Variants in CAMTA1 observed in about 807,000 individuals in gnomAD.
The protein encoded by CAMTA1 is calmodulin-binding transcription activator 1.
A neutral mutation model predicts 170.9 loss-of-function variants in CAMTA1; 27 were observed. That is an observed-to-expected ratio of 0.16 (90% CI 0.12 to 0.22). The LOEUF is 0.22. Ranked by LOEUF, CAMTA1 falls within the 10% of genes least tolerant of loss-of-function variation. The pLI is 1.00. For synonymous variants in CAMTA1, 833 were observed against 891.5 expected, an observed-to-expected ratio of 0.93 and a Z score of 1.17; for missense variants, 1,619 against 2,217.2, an observed-to-expected ratio of 0.73 and a Z score of 5.42.
intron 6 of CAMTA1, among the ~76,000 whole-genome samples, chr1:7,538,477 T>C (rs760709659): frequency 6.6e-6 from 1 of 152,130 alleles, no homozygotes; most frequent in Non-Finnish European, 1.5e-5. Context: ...ATAGGAGACT[T>C]CGTCTCTACT....
At chr1:7,016,155 G>A (rs1391906431) in intron 3 of CAMTA1, among the ~76,000 whole-genome samples, 1 of 152,170 alleles carries the variant, frequency 6.6e-6, no homozygotes, top group Non-Finnish European at 1.5e-5. Flanking sequence ...GCCACCATGG[G>A]TTGGTCTTTT....
chr1:7,275,279 A>G (rs574647376), intron 5 of CAMTA1, among the ~76,000 whole-genome samples: 11 of 152,102 alleles, frequency 7.2e-5, no homozygotes, highest in Admixed American at 1.3e-4. Context: ...CTTACACTAT[A>G]TTTACATTAA....
chr1:7,594,142 G>GAAA (rs1557972603), intron 6 of CAMTA1, among the ~76,000 whole-genome samples: 2 of 125,568 alleles, frequency 1.6e-5, no homozygotes, highest in East Asian at 2.2e-4. Context: ...AAAGAAAGAA[G>GAAA]GAAGGAAGGA....
In CAMTA1 at chr1:7,665,595, G is replaced by A. The variant is rs549264031; in HGVS notation, c.2652+396G>A. 1.3e-5 allele frequency among the ~76,000 whole-genome samples: 2 copies of A among 152,226 alleles called. No individual in the cohort carries two copies. The highest frequency in any genetic ancestry group is 3.9e-4 in the East Asian group (2 of 5,168). On this transcript the variant is annotated intron_variant, in intron 9 of 22. Transcript: ENST00000303635. This position sits in a 1 kb window ranked among gnomAD's most constrained non-coding sequence, Gnocchi z 4.3. ...CCAGGTGTGGTGGGGCCTGCCTATG[G>A]TCCCAGCTATTCTGGAGGCTGAGTC...
At chr1:7,709,873 CG>C (rs1558188548) in intron 11 of CAMTA1, among the ~76,000 whole-genome samples, 2 of 152,160 alleles carry the variant, frequency 1.3e-5, no homozygotes, top group Admixed American at 1.3e-4. Flanking sequence ...ACATAGTAAG[CG>C]TAAGTATTGA....
At position 7,195,285 on chromosome 1, in the gene CAMTA1, G is replaced by T. The variant is rs771206549; in HGVS notation, c.303-54206G>T. On this transcript the variant is annotated intron_variant, in intron 4 of 22. Transcript: ENST00000303635. The surrounding 1 kb of genome is among the most constrained non-coding windows in gnomAD (Gnocchi z 4.1). ...TTGGGGTGACCAAGTCATGCACTCT[G>T]ACCAGTGAAATGCAAGTGGAAATGA... Among the ~76,000 whole-genome samples, 2 of 152,190 alleles carry T rather than the reference G, an allele frequency of 1.3e-5. No individual in the cohort carries two copies. The highest frequency in any genetic ancestry group is 2.9e-5 in the Non-Finnish European group (2 of 68,044).
intron 5 of CAMTA1, among the ~76,000 whole-genome samples, chr1:7,338,437 G>A (rs971007959): frequency 8.5e-5 from 13 of 152,168 alleles, no homozygotes; most frequent in African/African-American, 2.4e-4. Flanking sequence ...CAGGAGCATC[G>A]CTGAGCTTTT....
At chr1:7,172,983 C>T (rs1649973426) in intron 4 of CAMTA1, among the ~76,000 whole-genome samples, 1 of 152,218 alleles carries the variant, frequency 6.6e-6, no homozygotes, top group Non-Finnish European at 1.5e-5. Flanking sequence ...CTTCCTGGTG[C>T]CTCGGGGAGG....
Position 7,748,512 on chromosome 1 carries a change from C to T in CAMTA1, c.4689+731C>T, listed in dbSNP as rs1017018222. 6.6e-6 allele frequency among the ~76,000 whole-genome samples: 1 copy of T among 152,216 alleles called. No individual in the cohort carries two copies. Among genetic ancestry groups the T allele is most frequent in the Non-Finnish European group, 1.5e-5 (1 of 68,048 alleles). On this transcript the variant is annotated intron_variant, in intron 19 of 22. Coordinates refer to ENST00000303635, the MANE Select transcript of CAMTA1 (RefSeq NM_015215.4). This position sits in a 1 kb window ranked among gnomAD's most constrained non-coding sequence, Gnocchi z 4.7. ...ACCTGAGATACTGGTCTGATCCTAACACCAGTATCTTTGCAGTGAGGATCC... is the reference window on the plus strand; with the variant it reads ...ACCTGAGATACTGGTCTGATCCTAATACCAGTATCTTTGCAGTGAGGATCC...
At chr1:6,805,441 A>G (rs1644400596) in intron 1 of CAMTA1, among the ~76,000 whole-genome samples, 1 of 152,218 alleles carries the variant, frequency 6.6e-6, no homozygotes, top group Non-Finnish European at 1.5e-5. Flanking sequence ...CTTATCAGAT[A>G]TGTGATTTCA....
rs755925809 is a variant in CAMTA1 at position 7,317,135 on chromosome 1, G to A, written c.438+67509G>A. Among the ~76,000 whole-genome samples, 75 of 152,144 alleles carry A rather than the reference G, an allele frequency of 4.9e-4. 1 individual carries two copies. The highest frequency in any genetic ancestry group is 2.5e-4 in the Non-Finnish European group (17 of 68,010). On this transcript the variant is annotated intron_variant, in intron 5 of 22. Coordinates refer to ENST00000303635, the MANE Select transcript of CAMTA1 (RefSeq NM_015215.4). ...TGTGAAGGGAAGTTGCTCCCTTGCC[G>A]GGGGTACAGGGAAGGAAGGCCTAGG... is the stretch of plus-strand genomic sequence containing the variant.
At chr1:6,911,686 A>C (rs1679714403) in intron 3 of CAMTA1, among the ~76,000 whole-genome samples, 1 of 152,216 alleles carries the variant, frequency 6.6e-6, no homozygotes, top group South Asian at 2.1e-4. Flanking sequence ...AGTCCCCCAG[A>C]AACCCCGCTG....
At chr1:7,649,459 C>T (rs547548913) in intron 7 of CAMTA1, among the ~76,000 whole-genome samples, 28 of 152,316 alleles carry the variant, frequency 1.8e-4, no homozygotes, top group Non-Finnish European at 3.8e-4. Flanking sequence ...CCTGGAATCT[C>T]CAGGTGGGTC....
At chr1:7,668,099 C>T (rs2149194974) in intron 9 of CAMTA1, among the ~76,000 whole-genome samples, 1 of 152,312 alleles carries the variant, frequency 6.6e-6, no homozygotes, top group African/African-American at 2.4e-5. Flanking sequence ...CCTGTCTGTG[C>T]ACTGACTGCA....
chr1:7,026,602 C>G (rs1262336458), intron 3 of CAMTA1, among the ~76,000 whole-genome samples: 1 of 151,120 alleles, frequency 6.6e-6, no homozygotes, highest in Non-Finnish European at 1.5e-5. Flanking sequence ...AACTTTAGAC[C>G]CAGAAACTAA....
chr1:7,581,137 G>A (rs1471441980), intron 6 of CAMTA1, among the ~76,000 whole-genome samples: 3 of 152,326 alleles, frequency 2.0e-5, no homozygotes, highest in East Asian at 1.9e-4. Flanking sequence ...ACCGTGTTGC[G>A]AGAGGACAAG....
intron 5 of CAMTA1, among the ~76,000 whole-genome samples, chr1:7,392,749 C>T (rs1343479727): frequency 2.0e-5 from 3 of 152,024 alleles, no homozygotes; most frequent in Non-Finnish European, 4.4e-5. Flanking sequence ...TGGCAGGCAC[C>T]TGTAGTCCCA....
Position 7,745,020 on chromosome 1 carries a change from C to T in CAMTA1, c.4368C>T (p.Ile1456=), listed in dbSNP as rs1198133138. The change falls in exon 17 of 23, where the codon ATC becomes ATT. Residue 1456 remains isoleucine, a splice_region_variant and synonymous_variant. Transcript: ENST00000303635. ...DADCLPSAAQ[I]RSAYNEPLTP... ...ACTGCCTTCCCAGTGCTGCCCAGAT[C>T]CGGTGAGTAAAGTTACGGAGGTCAC... 6.2e-7 allele frequency: 1 copy of T among 1,610,422 alleles called. No individual in the cohort carries two copies. Among genetic ancestry groups the T allele is most frequent in the Admixed American group, 1.7e-5 (1 of 59,356 alleles).
intron 3 of CAMTA1, among the ~76,000 whole-genome samples, chr1:6,898,835 C>G (rs2149188760): frequency 6.6e-6 from 1 of 152,348 alleles, no homozygotes; most frequent in East Asian, 1.9e-4. Flanking sequence ...CTCTTGTTGC[C>G]TAGCCGACCT....
Sources: gnomAD v4.1 joint callset for allele counts (sites outside exome capture counted in the v4.1 genomes callset) on GRCh38, gnomAD v4.1.1 for gene constraint, Gnocchi (gnomAD v3.1) non-coding constraint, MANE v1.5 for transcripts, NCBI Gene and HGNC (gene_info 2026-07-23, HGNC 2026-07-21) for gene names.